The following ATP2B2 variants were observed in gnomAD, a reference collection of about 807,000 sequenced individuals.
ATP2B2 encodes plasma membrane calcium-transporting ATPase 2.
ATP2B2 carries 15 observed loss-of-function variants against 120.0 expected under a neutral mutation model. The observed-to-expected ratio is 0.12, with a 90% CI of 0.08 to 0.19. The LOEUF (loss-of-function observed/expected upper bound fraction) is 0.19, where lower values mean the gene tolerates loss of function less well. Ranked by LOEUF, ATP2B2 falls within the 10% of genes least tolerant of loss-of-function variation. ATP2B2 has a pLI of 1.00. For missense variants in ATP2B2, 1,045 were observed against 1,719.8 expected (o/e 0.61, Z 6.94); for synonymous variants, 694 against 700.3 (o/e 0.99, Z 0.14).
chr3:10,461,131 G>A (rs188088210), intron 1 of ATP2B2, among the ~76,000 whole-genome samples: 143 of 152,376 alleles, frequency 9.4e-4, no homozygotes, highest in Non-Finnish European at 1.0e-3. Context: ...TCAAAGGAGT[G>A]AGGAAATGAG....
At chr3:10,547,759 G>A (rs753926981) in intron 2 of ATP2B2, among the ~76,000 whole-genome samples, 5 of 152,336 alleles carry the variant, frequency 3.3e-5, no homozygotes, top group African/African-American at 7.2e-5. Flanking sequence ...CCAAGTCCCT[G>A]TCTAGGGAAA....
intron 2 of ATP2B2, among the ~76,000 whole-genome samples, chr3:10,538,558 A>G (rs1210385563): frequency 6.6e-6 from 1 of 152,240 alleles, no homozygotes; most frequent in African/African-American, 2.4e-5. Flanking sequence ...CCTGGGATGC[A>G]AGGTTGGTTC....
Position 10,401,096 on chromosome 3 carries a change from A to G in ATP2B2, c.656-18T>C, listed in dbSNP as rs1293679067. 6.2e-7 allele frequency: 1 copy of G among 1,613,244 alleles called. No individual in the cohort carries two copies. Among genetic ancestry groups the G allele is most frequent in the Non-Finnish European group, 8.5e-7 (1 of 1,179,568 alleles). ...GAGGTCACCTGGCAAGAGGAAGGGC[A>G]GGGGAGTCAGCAGGCTCTCAGGTGA... On this transcript the variant is annotated intron_variant, in intron 4 of 22. Coordinates refer to ENST00000360273, the MANE Select transcript of ATP2B2 (RefSeq NM_001001331.4).
chr3:10,450,309 A>T (rs13320515), intron 1 of ATP2B2, among the ~76,000 whole-genome samples: 9,048 of 151,888 alleles, frequency 0.06, 938 homozygotes, highest in African/African-American at 0.21. Context: ...CTCTGAGCAC[A>T]CCCAGACTCC....
At chr3:10,385,663 T>C (rs1035409681) in intron 7 of ATP2B2, among the ~76,000 whole-genome samples, 1 of 152,124 alleles carries the variant, frequency 6.6e-6, no homozygotes, top group African/African-American at 2.4e-5. Context: ...GAGGGCTCCA[T>C]GAAATGAGGA....
chr3:10,341,986 G>A (rs970854333), intron 19 of ATP2B2, among the ~76,000 whole-genome samples: 5 of 152,266 alleles, frequency 3.3e-5, no homozygotes, highest in Admixed American at 3.3e-4. Flanking sequence ...GGAGGCTCCT[G>A]TAAGGAGAGA....
Position 10,410,605 on chromosome 3 carries a change from A to G in ATP2B2, c.397+13T>C. ...GTGTGCGGGGCGGTTCGTGGGTCTG[A>G]GGCCCATCTTACCTTCGTTGCCCTC... On this transcript the variant is annotated intron_variant, in intron 3 of 22. Coordinates refer to ENST00000360273, the MANE Select transcript of ATP2B2 (RefSeq NM_001001331.4). 1 of 1,597,622 alleles carries G rather than the reference A, an allele frequency of 6.3e-7. No homozygotes were observed. Among genetic ancestry groups the G allele is most frequent in the Non-Finnish European group, 8.5e-7 (1 of 1,169,686 alleles).
chr3:10,528,121 T>C (rs1012198963), intron 3 of ATP2B2, among the ~76,000 whole-genome samples: 10 of 152,202 alleles, frequency 6.6e-5, no homozygotes, highest in Non-Finnish European at 1.2e-4. Flanking sequence ...CTCACGAGCA[T>C]GAGGCTCCTG....
At chr3:10,395,160 G>A (rs1167068724) in intron 5 of ATP2B2, among the ~76,000 whole-genome samples, 1 of 152,186 alleles carries the variant, frequency 6.6e-6, no homozygotes, top group East Asian at 1.9e-4. Context: ...TTATAAGAGG[G>A]GTCACTGCTT....
chr3:10,599,894 G>A (rs545149278), intron 2 of ATP2B2, among the ~76,000 whole-genome samples: 15 of 152,282 alleles, frequency 9.9e-5, no homozygotes, highest in Admixed American at 2.6e-4. Flanking sequence ...GGTGGAAGGC[G>A]ATTACCTGGA....
intron 2 of ATP2B2, among the ~76,000 whole-genome samples, chr3:10,618,125 C>T (rs6803599): frequency 0.019 from 2,885 of 152,266 alleles, 78 homozygotes; most frequent in African/African-American, 0.066. Context: ...CTTTTACAAA[C>T]GTAATGTTAT....
At chr3:10,690,932 A>G (rs774429680) in intron 1 of ATP2B2, among the ~76,000 whole-genome samples, 4 of 152,250 alleles carry the variant, frequency 2.6e-5, no homozygotes, top group Non-Finnish European at 4.4e-5. Context: ...TCGTCGATGA[A>G]TCTCAAATGC....
At position 10,585,504 on chromosome 3, in the gene ATP2B2, A is replaced by G. The variant is rs1391026529; in HGVS notation, c.-415+34413T>C. 4.7e-5 allele frequency among the ~76,000 whole-genome samples: 7 copies of G among 148,960 alleles called. 1 individual carries two copies. Among genetic ancestry groups the G allele is most frequent in the Admixed American group, 4.7e-4 (7 of 14,968 alleles). On this transcript the variant is annotated intron_variant, in intron 2 of 21. Transcript: ENST00000646379. ...GCGAGACTCCGTCTGAAAAAAAAAA[A>G]AAAAAAAAAAAAAGATCCAGTGAGA...
chr3:10,377,313 G>A (rs527812545), intron 10 of ATP2B2, among the ~76,000 whole-genome samples: 1 of 152,230 alleles, frequency 6.6e-6, no homozygotes, highest in Admixed American at 6.5e-5. Flanking sequence ...ATCCCTGTCT[G>A]ACAGTCGGAG....
intron 2 of ATP2B2, among the ~76,000 whole-genome samples, chr3:10,422,331 G>A (rs1431355421): frequency 6.6e-6 from 1 of 152,218 alleles, no homozygotes; most frequent in African/African-American, 2.4e-5. Context: ...TGTGATATCG[G>A]TCTGTATGGG....
rs183905493 is a variant in ATP2B2, at chr3:10,411,435, T to C, written c.200-620A>G. 5.1e-3 allele frequency among the ~76,000 whole-genome samples: 772 copies of C among 152,258 alleles called. 11 individuals carry two copies. Among genetic ancestry groups the C allele is most frequent in the African/African-American group, 0.018 (735 of 41,550 alleles). On this transcript the variant is annotated intron_variant, in intron 2 of 22. Coordinates refer to ENST00000360273, the MANE Select transcript of ATP2B2 (RefSeq NM_001001331.4). ...TGCTGTGGCAGCCATGGGAAGCGAA[T>C]CCACACTCCTACAGCCGCCTTGCGC...
chr3:10,685,828 T>C (rs1364344625), intron 1 of ATP2B2, among the ~76,000 whole-genome samples: 1 of 152,242 alleles, frequency 6.6e-6, no homozygotes, highest in Non-Finnish European at 1.5e-5. Flanking sequence ...CATTCCTCAC[T>C]GATTTCTTCT....
rs1286935551 is a variant in ATP2B2, at chr3:10,328,338, C to G, written c.*476G>C. Reference sequence around the variant, plus strand: ...CTGAGACCATGCTGTGCAAGCATTTCAAAAACTCACAGACCAGTGGATTGG... The same window carrying G: ...CTGAGACCATGCTGTGCAAGCATTTGAAAAACTCACAGACCAGTGGATTGG... On this transcript the variant is annotated 3_prime_UTR_variant, in exon 23 of 23. Coordinates refer to ENST00000360273, the MANE Select transcript of ATP2B2 (RefSeq NM_001001331.4). 1 of 165,888 alleles carries G rather than the reference C, an allele frequency of 6.0e-6. No homozygotes were observed. Among genetic ancestry groups the G allele is most frequent in the East Asian group, 1.7e-4 (1 of 5,862 alleles). 10.3% of individuals were successfully genotyped at this position (165,888 alleles called of 1,614,324 possible).
intron 1 of ATP2B2, among the ~76,000 whole-genome samples, chr3:10,683,760 G>GTGTGTGTATGTATATATA (rs1446781892): frequency 3.2e-4 from 17 of 53,894 alleles, no homozygotes; most frequent in South Asian, 1.9e-3. Context: ...GTGTGTGTGT[G>GTGTGTGTATGTATATATA]TATATATATA....
Sources: allele counts gnomAD v4.1 joint callset (sites outside exome capture counted in the v4.1 genomes callset), GRCh38; gene constraint gnomAD v4.1.1; transcripts MANE v1.5; gene names NCBI Gene and HGNC (gene_info 2026-07-23, HGNC 2026-07-21).